Variants in RASA3 observed in about 807,000 individuals in gnomAD.
RASA3 encodes RAS p21 protein activator 3, also known as ras GTPase-activating protein 3.
RASA3 carries 73 observed loss-of-function variants against 110.0 expected under a neutral mutation model. The ratio of observed to expected loss-of-function variants is 0.66; its 90% CI spans 0.55 to 0.81. The LOEUF (loss-of-function observed/expected upper bound fraction) is 0.81, where lower values mean the gene tolerates loss of function less well. Ranked by LOEUF, RASA3 falls within the 30% of genes least tolerant of loss-of-function variation. RASA3 has a pLI of 0.00. For missense variants in RASA3, 976 were observed against 1,113.2 expected (o/e 0.88, Z 1.75); for synonymous variants, 500 against 451.4 (o/e 1.11, Z -1.37).
chr13:114,080,664 C>T (rs1342540369), intron 1 of RASA3, among the ~76,000 whole-genome samples: 4 of 152,148 alleles, frequency 2.6e-5, no homozygotes, highest in Non-Finnish European at 4.4e-5. Context: ...ACCCCGACAA[C>T]GGCTGAAACA....
At chr13:114,000,290 C>G (rs1360350933) in intron 19 of RASA3, among the ~76,000 whole-genome samples, 1 of 152,028 alleles carries the variant, frequency 6.6e-6, no homozygotes. Context: ...GCTGAGGAAG[C>G]CTGGGACCCA....
rs150887687 is a variant in RASA3 at position 114,100,751 on chromosome 13, G to C, written c.56-26914C>G. Among the ~76,000 whole-genome samples, 660 of 152,258 alleles carry C rather than the reference G, an allele frequency of 4.3e-3. 3 individuals are homozygous for C. The highest frequency in any genetic ancestry group is 0.014 in the African/African-American group (595 of 41,544). ...GACCTGTTTAAATGTCCAGCCGTTTGGGAACTGTGTACCCTTCGAGAAACA... is the reference window on the plus strand; with the variant it reads ...GACCTGTTTAAATGTCCAGCCGTTTCGGAACTGTGTACCCTTCGAGAAACA... On this transcript the variant is annotated intron_variant, in intron 1 of 23. Coordinates refer to ENST00000334062, the MANE Select transcript of RASA3 (RefSeq NM_007368.4).
chr13:114,096,363 C>T lies in RASA3; in HGVS notation c.56-22526G>A, dbSNP rs1311282749. 6.6e-6 allele frequency among the ~76,000 whole-genome samples: 1 copy of T among 152,172 alleles called. No individual in the cohort carries two copies. Among genetic ancestry groups the T allele is most frequent in the Non-Finnish European group, 1.5e-5 (1 of 67,998 alleles). Reference sequence around the variant, plus strand: ...CACAGTCACCTCAACAGCATCTCAGCCGTTGTCCGACACTGGGTGATTCTG... The same window carrying T: ...CACAGTCACCTCAACAGCATCTCAGTCGTTGTCCGACACTGGGTGATTCTG... On this transcript the variant is annotated intron_variant, in intron 1 of 23. Coordinates refer to ENST00000334062, the MANE Select transcript of RASA3 (RefSeq NM_007368.4). The surrounding 1 kb of genome is among the most constrained non-coding windows in gnomAD (Gnocchi z 5.1).
At chr13:114,105,395 C>T (rs1165452367) in intron 1 of RASA3, among the ~76,000 whole-genome samples, 1 of 152,160 alleles carries the variant, frequency 6.6e-6, no homozygotes, top group East Asian at 1.9e-4. Flanking sequence ...GAGGCAACTC[C>T]ACCAAGGGGT....
At chr13:114,027,547 C>T in intron 6 of RASA3, 86 bp from the exon 7 acceptor site, 1 of 1,001,646 alleles carries the variant, frequency 1.0e-6, no homozygotes, top group South Asian at 1.4e-5. Flanking sequence ...CTCAAATGCA[C>T]AAGTCACTTA....
intron 1 of RASA3, among the ~76,000 whole-genome samples, chr13:114,128,886 C>T (rs1017431489): frequency 1.3e-5 from 2 of 152,180 alleles, no homozygotes; most frequent in Admixed American, 6.5e-5. Context: ...GCAGGGTCAC[C>T]GCGGTGCGAG....
intron 15 of RASA3, 97 bp downstream of exon 15, chr13:114,013,045 C>A: frequency 1.0e-6 from 1 of 968,536 alleles, no homozygotes; most frequent in South Asian, 1.6e-5. Context: ...ATTCCACACT[C>A]CACACGGTCG....
At position 114,057,624 on chromosome 13, in the gene RASA3, C is replaced by T. The variant is rs1276380943; in HGVS notation, c.174-5469G>A. The stretch of plus-strand genomic sequence containing the variant: ...CACAGAGCCAGCCTGACACCCAAGG[C>T]CACGATGCCATAGCCAGGGAGCCCT... On this transcript the variant is annotated intron_variant, in intron 2 of 23. Transcript: ENST00000334062. The surrounding 1 kb of genome is among the most constrained non-coding windows in gnomAD (Gnocchi z 5.0). 1 of 623,960 alleles carries T rather than the reference C, an allele frequency of 1.6e-6. No individual in the cohort carries two copies. Among genetic ancestry groups the T allele is most frequent in the Non-Finnish European group, 2.0e-6 (1 of 500,234 alleles). 38.7% of individuals were successfully genotyped at this position (623,960 alleles called of 1,614,324 possible).
At chr13:114,060,967 TGGAGCCCCCCACAGCCGGCAGAC>T (rs1354711685) in intron 2 of RASA3, among the ~76,000 whole-genome samples, 3,317 of 145,336 alleles carry the variant, frequency 0.023, 118 homozygotes, top group African/African-American at 0.079. Context: ...AGCCGGCAGA[TGGAGCCCCCCACAGCCGGCAGAC>T]GGAGCCCCCC....
chr13:114,101,357 C>A (rs556170259), intron 1 of RASA3, among the ~76,000 whole-genome samples: 4 of 152,200 alleles, frequency 2.6e-5, no homozygotes, highest in Admixed American at 2.0e-4. Context: ...GCCCCAGCAC[C>A]CCCTGCACCC....
chr13:114,089,438 C>T (rs1594443168), intron 1 of RASA3, among the ~76,000 whole-genome samples: 1 of 151,848 alleles, frequency 6.6e-6, no homozygotes, highest in Non-Finnish European at 1.5e-5. Context: ...ACCTGAGCCC[C>T]GCACAGGTGC....
At chr13:114,064,643 TCCTGTTCGGTGG>T (rs1261941216) in intron 2 of RASA3, among the ~76,000 whole-genome samples, 11 of 152,204 alleles carry the variant, frequency 7.2e-5, no homozygotes, top group Non-Finnish European at 1.5e-4. Flanking sequence ...CCATCCCCCA[TCCTGTTCGGTGG>T]CCTGTGCCGG....
chr13:114,101,141 C>A (rs961425082), intron 1 of RASA3, among the ~76,000 whole-genome samples: 18 of 152,110 alleles, frequency 1.2e-4, no homozygotes, highest in Admixed American at 1.2e-3. Flanking sequence ...GGCCTGTGTC[C>A]CGGCCAACGG....
In RASA3 at chr13:114,041,039, C is replaced by G; in HGVS notation, c.333G>C (p.Trp111Cys). 1 of 1,613,860 alleles carries G rather than the reference C, an allele frequency of 6.2e-7. No homozygotes were observed. Among genetic ancestry groups the G allele is most frequent in the Non-Finnish European group, 8.5e-7 (1 of 1,180,036 alleles). Reference protein sequence around the residue: ...DLQKYHNRDTWFQLQHVDADS... With the variant: ...DLQKYHNRDTCFQLQHVDADS... Reference sequence around the variant, plus strand: ...CAGCGTCCACGTGCTGCAGCTGGAACCAGGTGTCCCTGTTGTGGTACTTCT... The same window carrying G: ...CAGCGTCCACGTGCTGCAGCTGGAAGCAGGTGTCCCTGTTGTGGTACTTCT... The change falls in exon 4 of 24, where the codon TGG becomes TGC. Residue 111 changes from tryptophan to cysteine, a missense_variant. Trp to Cys is a radical substitution (Grantham distance 215). Transcript: ENST00000334062.
chr13:114,108,373 T>A (rs2080168581), intron 1 of RASA3, among the ~76,000 whole-genome samples: 1 of 103,952 alleles, frequency 9.6e-6, no homozygotes. Context: ...CCCGCGTCCA[T>A]CACCCCCATC....
At chr13:114,013,074 G>A (rs1454757900) in intron 15 of RASA3, 68 bp downstream of exon 15, 10 of 1,384,264 alleles carry the variant, frequency 7.2e-6, no homozygotes, top group Non-Finnish European at 9.9e-6. Flanking sequence ...CAGCCACGCA[G>A]ATGCCCCAAC....
At chr13:114,095,025 G>A (rs1043600100) in intron 1 of RASA3, among the ~76,000 whole-genome samples, 2 of 152,214 alleles carry the variant, frequency 1.3e-5, no homozygotes, top group African/African-American at 4.8e-5. Flanking sequence ...TAAAGGTGAT[G>A]CTATTATTCT....
intron 8 of RASA3, among the ~76,000 whole-genome samples, chr13:114,021,913 G>A (rs533775473): frequency 1.1e-4 from 16 of 151,978 alleles, no homozygotes; most frequent in South Asian, 2.1e-4. Flanking sequence ...GGAGCCAGGC[G>A]TCGCTCTGTG....
At chr13:114,083,166 A>G (rs1411089580) in intron 1 of RASA3, among the ~76,000 whole-genome samples, 3 of 152,278 alleles carry the variant, frequency 2.0e-5, no homozygotes, top group Non-Finnish European at 4.4e-5. Flanking sequence ...GTCACAAGCA[A>G]CTTTGTTGAA....
Sources: allele counts gnomAD v4.1 joint callset (sites outside exome capture counted in the v4.1 genomes callset), GRCh38; gene constraint gnomAD v4.1.1; non-coding constraint Gnocchi (gnomAD v3.1); transcripts MANE v1.5; gene names NCBI Gene and HGNC (gene_info 2026-07-23, HGNC 2026-07-21).